PXDNL: variants seen among roughly 807,000 people sequenced by gnomAD.
The protein encoded by PXDNL is peroxidasin like.
Under a neutral mutation model 150.8 loss-of-function variants are expected in PXDNL, and 145 were observed. The ratio of observed to expected loss-of-function variants is 0.96; its 90% CI spans 0.84 to 1.10. The LOEUF is 1.10. Ranked by LOEUF, PXDNL falls within the 50% of genes least tolerant of loss-of-function variation. The probability of loss-of-function intolerance (pLI) is 0.00; values close to 1 mark genes in which losing one functional copy is unlikely to be tolerated. For missense variants in PXDNL, 2,087 were observed against 1,873.9 expected, an observed-to-expected ratio of 1.11 and a Z score of -2.10; for synonymous variants, 757 against 725.7, an observed-to-expected ratio of 1.04 and a Z score of -0.69.
intron 4 of PXDNL, among the ~76,000 whole-genome samples, chr8:51,500,140 T>C (rs192310713): frequency 2.6e-5 from 4 of 152,318 alleles, no homozygotes; most frequent in Admixed American, 2.0e-4. Flanking sequence ...ATAAGATACA[T>C]TACAAGTGAC....
At chr8:51,711,912 G>A (rs988262966) in intron 1 of PXDNL, among the ~76,000 whole-genome samples, 4 of 152,222 alleles carry the variant, frequency 2.6e-5, no homozygotes, top group African/African-American at 4.8e-5. Context: ...AGGTCCTGCT[G>A]CTTGCAGCAC....
intron 4 of PXDNL, among the ~76,000 whole-genome samples, chr8:51,521,804 G>C (rs1302211202): frequency 6.6e-6 from 1 of 152,032 alleles, no homozygotes; most frequent in Non-Finnish European, 1.5e-5. Flanking sequence ...GAGGAACAAG[G>C]ATAAGAATTA....
intron 1 of PXDNL, among the ~76,000 whole-genome samples, chr8:51,756,289 G>C (rs1167978727): frequency 1.3e-5 from 2 of 151,810 alleles, no homozygotes; most frequent in Non-Finnish European, 2.9e-5. Flanking sequence ...CTACTCATGA[G>C]GCTGAGGTGG....
chr8:51,719,141 C>T (rs1019912651), intron 1 of PXDNL, among the ~76,000 whole-genome samples: 3 of 152,294 alleles, frequency 2.0e-5, no homozygotes, highest in South Asian at 4.1e-4. Flanking sequence ...TGCCGCCACC[C>T]GGTCTGGAAG....
intron 1 of PXDNL, among the ~76,000 whole-genome samples, chr8:51,747,144 C>T (rs899989932): frequency 3.9e-5 from 6 of 152,268 alleles, no homozygotes; most frequent in Middle Eastern, 3.4e-3. Flanking sequence ...TTTTGTTTGT[C>T]GATAGCATGA....
chr8:51,399,911 G>T (rs114436187), intron 17 of PXDNL, among the ~76,000 whole-genome samples: 15 of 152,252 alleles, frequency 9.9e-5, no homozygotes, highest in African/African-American at 3.6e-4. Flanking sequence ...CATATAATGA[G>T]GAACAACTGA....
intron 1 of PXDNL, among the ~76,000 whole-genome samples, chr8:51,719,462 C>G (rs1816683837): frequency 6.6e-6 from 1 of 152,084 alleles, no homozygotes; most frequent in Non-Finnish European, 1.5e-5. Flanking sequence ...TAAGAGTCAT[C>G]ACCACTCCCT....
intron 14 of PXDNL, among the ~76,000 whole-genome samples, chr8:51,420,546 T>C (rs1460040524): frequency 6.6e-6 from 1 of 152,134 alleles, no homozygotes; most frequent in Non-Finnish European, 1.5e-5. Context: ...GACAAAAAAG[T>C]TTTTCTTTGT....
intron 1 of PXDNL, among the ~76,000 whole-genome samples, chr8:51,735,555 T>TTTTTG (rs1817020230): frequency 2.6e-5 from 3 of 114,700 alleles, no homozygotes; most frequent in Non-Finnish European, 5.3e-5. Context: ...TTTTTTTTTT[T>TTTTTG]TTTTTTTTTG....
intron 12 of PXDNL, among the ~76,000 whole-genome samples, chr8:51,433,524 T>C (rs2129818248): frequency 6.6e-6 from 1 of 152,214 alleles, no homozygotes; most frequent in Non-Finnish European, 1.5e-5. Context: ...TTGTAATGTA[T>C]TTCCTCTTAT....
At chr8:51,629,015 G>A (rs913671200) in intron 2 of PXDNL, among the ~76,000 whole-genome samples, 3 of 151,984 alleles carry the variant, frequency 2.0e-5, no homozygotes, top group African/African-American at 7.3e-5. Flanking sequence ...GTTTGCAAAA[G>A]GCACTAATGA....
intron 2 of PXDNL, among the ~76,000 whole-genome samples, chr8:51,612,644 T>A (rs1222920135): frequency 6.6e-6 from 1 of 152,038 alleles, no homozygotes; most frequent in Non-Finnish European, 1.5e-5. Context: ...TTAGCGCCCT[T>A]ATAAAAGAGA....
intron 2 of PXDNL, among the ~76,000 whole-genome samples, chr8:51,614,534 A>G (rs1239857942): frequency 3.3e-5 from 5 of 152,170 alleles, no homozygotes; most frequent in African/African-American, 9.7e-5. Context: ...CTCTGAACCT[A>G]TTCTGGTTGG....
intron 2 of PXDNL, among the ~76,000 whole-genome samples, chr8:51,653,542 G>T (rs188459940): frequency 2.7e-4 from 41 of 152,232 alleles, no homozygotes; most frequent in African/African-American, 8.9e-4. Flanking sequence ...AAATGTTTTC[G>T]TACATTGCAC....
intron 5 of PXDNL, among the ~76,000 whole-genome samples, chr8:51,491,740 CA>C (rs1430596262): frequency 6.6e-6 from 1 of 152,178 alleles, no homozygotes; most frequent in African/African-American, 2.4e-5. Flanking sequence ...GACAAAAATA[CA>C]AGGCTTGGTG....
chr8:51,500,815 G>A (rs1172577957), intron 4 of PXDNL, among the ~76,000 whole-genome samples: 1 of 152,144 alleles, frequency 6.6e-6, no homozygotes, highest in Non-Finnish European at 1.5e-5. Context: ...TGAAGTAATG[G>A]CAGGCAAGTA....
intron 1 of PXDNL, among the ~76,000 whole-genome samples, chr8:51,711,959 G>A (rs1221119295): frequency 2.0e-5 from 3 of 152,208 alleles, no homozygotes; most frequent in African/African-American, 7.2e-5. Flanking sequence ...TATTGCCAAA[G>A]AAGAAGTTTT....
At chr8:51,380,724 G>T (rs1807505089) in intron 17 of PXDNL, among the ~76,000 whole-genome samples, 1 of 152,076 alleles carries the variant, frequency 6.6e-6, no homozygotes. Context: ...GTCTATTCAT[G>T]TTTTTAAATG....
chr8:51,580,752 A>G lies in PXDNL; in HGVS notation c.308+11875T>C, dbSNP rs765557866. Among the ~76,000 whole-genome samples, 17 of 152,318 alleles carry G rather than the reference A, an allele frequency of 1.1e-4. 1 individual carries two copies. In the Middle Eastern group the frequency reaches 0.01, roughly 91 times the overall value. On this transcript the variant is annotated intron_variant, in intron 3 of 22. Coordinates refer to ENST00000356297, the MANE Select transcript of PXDNL (RefSeq NM_144651.5). The stretch of plus-strand genomic sequence containing the variant: ...TGTAGAATAGAAGGATACAACAGCT[A>G]TATGACAAACTCAAATATTGAAATC...
Sources: allele counts gnomAD v4.1 joint callset (sites outside exome capture counted in the v4.1 genomes callset), GRCh38; gene constraint gnomAD v4.1.1; transcripts MANE v1.5; gene names NCBI Gene and HGNC (gene_info 2026-07-23, HGNC 2026-07-21).